Variants in ABL1 observed in about 807,000 individuals in gnomAD.
The protein encoded by ABL1 is tyrosine-protein kinase ABL1.
A neutral mutation model predicts 94.7 loss-of-function variants in ABL1; 11 were observed. That is an observed-to-expected ratio of 0.12 (90% CI 0.07 to 0.19). The LOEUF (loss-of-function observed/expected upper bound fraction) is 0.19. Ranked by LOEUF, ABL1 falls within the 10% of genes least tolerant of loss-of-function variation. The pLI is 1.00. For missense variants in ABL1, 1,082 were observed against 1,489.4 expected (o/e 0.73, Z 4.50); for synonymous variants, 656 against 622.4 (o/e 1.05, Z -0.80).
intron 1 of ABL1, among the ~76,000 whole-genome samples, chr9:130,840,556 G>A (rs1295214981): frequency 6.6e-6 from 1 of 152,084 alleles, no homozygotes; most frequent in Admixed American, 6.5e-5. Flanking sequence ...AGATCAAATG[G>A]GATATTGGAA....
rs545388624 is a variant in ABL1 at position 130,781,351 on chromosome 9, G to A, written c.136+66896G>A. On this transcript the variant is annotated intron_variant, in intron 1 of 10. Transcript: ENST00000372348. The stretch of plus-strand genomic sequence containing the variant: ...GTAATTCTCCACCTCTCACTTGCCC[G>A]TGTGGGTGCCCCATCCCCACCCTCA... 7.9e-5 allele frequency among the ~76,000 whole-genome samples: 12 copies of A among 152,282 alleles called. No individual in the cohort carries two copies. In the East Asian group the frequency reaches 2.1e-3, roughly 27 times the overall value.
rs971626443 is a variant in ABL1 at position 130,873,151 on chromosome 9, G to A, written c.1085+114G>A. 8 of 1,106,364 alleles carry A rather than the reference G, an allele frequency of 7.2e-6. 1 individual carries two copies. The highest frequency in any genetic ancestry group is 4.7e-5 in the African/African-American group (3 of 63,276). 68.5% of individuals were successfully genotyped at this position (1,106,364 alleles called of 1,614,324 possible). ...TCAGGGCGCAGCTTCTAACCTCAGT[G>A]CTGGCAACACATTGGACCTTGGAAC... On this transcript the variant is annotated intron_variant, in intron 6 of 10. Transcript: ENST00000318560.
intron 1 of ABL1, among the ~76,000 whole-genome samples, chr9:130,791,232 A>G (rs756000505): frequency 1.2e-4 from 18 of 152,112 alleles, no homozygotes; most frequent in African/African-American, 4.4e-4. Context: ...CAAGAGTGGA[A>G]CTACTGAAAC....
At chr9:130,809,702 T>G (rs1830180893) in intron 1 of ABL1, among the ~76,000 whole-genome samples, 1 of 152,158 alleles carries the variant, frequency 6.6e-6, no homozygotes, top group Non-Finnish European at 1.5e-5. Flanking sequence ...AGGGTCAGAT[T>G]TTTTGTTCAA....
chr9:130,790,469 A>T (rs1041491011), intron 1 of ABL1, among the ~76,000 whole-genome samples: 5 of 95,498 alleles, frequency 5.2e-5, no homozygotes, highest in African/African-American at 2.1e-4. Flanking sequence ...TTTTTATTTT[A>T]TTTATTTATT....
At chr9:130,876,725 G>A (rs1831349759) in intron 7 of ABL1, among the ~76,000 whole-genome samples, 1 of 133,564 alleles carries the variant, frequency 7.5e-6, no homozygotes, top group South Asian at 2.3e-4. Context: ...CCTGCCACAA[G>A]TTGGTTTCTT....
intron 1 of ABL1, among the ~76,000 whole-genome samples, chr9:130,821,959 C>T (rs1381286814): frequency 6.6e-6 from 1 of 152,026 alleles, no homozygotes. Context: ...CCCGCCTCAG[C>T]CTCCCAAGTA....
At chr9:130,785,645 G>A (rs1829816255) in intron 1 of ABL1, among the ~76,000 whole-genome samples, 1 of 152,012 alleles carries the variant, frequency 6.6e-6, no homozygotes, top group Admixed American at 6.6e-5. Flanking sequence ...AATCTCGGCC[G>A]GGCGTGGTGG....
chr9:130,736,157 T>C (rs1831738925), intron 1 of ABL1, among the ~76,000 whole-genome samples: 1 of 151,836 alleles, frequency 6.6e-6, no homozygotes, highest in African/African-American at 2.4e-5. Flanking sequence ...GGTTTTGCCA[T>C]GTTGCCCAGG....
At chr9:130,839,955 G>T (rs1243946210) in intron 1 of ABL1, among the ~76,000 whole-genome samples, 1 of 152,134 alleles carries the variant, frequency 6.6e-6, no homozygotes, top group Non-Finnish European at 1.5e-5. Flanking sequence ...CATTCACCGA[G>T]GCTCACTGTA....
chr9:130,864,743 C>T (rs78629456), intron 4 of ABL1, among the ~76,000 whole-genome samples: 64 of 152,230 alleles, frequency 4.2e-4, no homozygotes, highest in African/African-American at 1.3e-3. Context: ...GAAGGAGGGA[C>T]GGGGGAGCTG....
chr9:130,784,531 C>A (rs903075073), intron 1 of ABL1, among the ~76,000 whole-genome samples: 1 of 152,092 alleles, frequency 6.6e-6, no homozygotes, highest in Admixed American at 6.5e-5. Flanking sequence ...ATCCTGCCAT[C>A]CCCCATTAAA....
At chr9:130,714,199 G>A in exon 1 of ABL1, 2 of 999,040 alleles carry the variant, frequency 2.0e-6, no homozygotes, top group Non-Finnish European at 2.7e-6. Context: ...GACTTCAATT[G>A]CTGACTTGTG....
chr9:130,781,938 C>T (rs1829761546), intron 1 of ABL1, among the ~76,000 whole-genome samples: 2 of 152,206 alleles, frequency 1.3e-5, no homozygotes, highest in African/African-American at 4.8e-5. Flanking sequence ...TTCACATATG[C>T]ACACATACAT....
At chr9:130,879,960 A>G (rs1038832930) in intron 8 of ABL1, 108 bp from the exon 9 acceptor site, 1 of 1,002,464 alleles carries the variant, frequency 1.0e-6, no homozygotes, top group East Asian at 2.4e-5. Context: ...AAAGATGGTT[A>G]GCAGGATTGG....
At chr9:130,798,322 C>A (rs1417720974) in intron 1 of ABL1, among the ~76,000 whole-genome samples, 1 of 152,104 alleles carries the variant, frequency 6.6e-6, no homozygotes, top group African/African-American at 2.4e-5. Flanking sequence ...ACTTTGTGGA[C>A]ATCATTAACA....
chr9:130,883,639 A>G (rs1018336245), intron 10 of ABL1, among the ~76,000 whole-genome samples: 7 of 152,066 alleles, frequency 4.6e-5, no homozygotes, highest in Non-Finnish European at 8.8e-5. Context: ...CTCTCTAGTG[A>G]GTATAAAAAC....
At chr9:130,817,921 G>T (rs916301408) in intron 1 of ABL1, among the ~76,000 whole-genome samples, 1 of 152,150 alleles carries the variant, frequency 6.6e-6, no homozygotes, top group African/African-American at 2.4e-5. Flanking sequence ...AGAGGCTTTG[G>T]TGTGGACATA....
chr9:130,828,655 C>T (rs531725081), intron 1 of ABL1, among the ~76,000 whole-genome samples: 3 of 151,908 alleles, frequency 2.0e-5, no homozygotes, highest in Admixed American at 6.6e-5. Context: ...TGTAGTGAGC[C>T]GAGACTGTGC....
Sources: allele counts gnomAD v4.1 joint callset (sites outside exome capture counted in the v4.1 genomes callset), GRCh38; gene constraint gnomAD v4.1.1; transcripts MANE v1.5; gene names NCBI Gene and HGNC (gene_info 2026-07-23, HGNC 2026-07-21).